The following TBXAS1 variants were observed in gnomAD, a reference collection of about 807,000 sequenced individuals.
The protein encoded by TBXAS1 is thromboxane-A synthase.
In TBXAS1, 48 loss-of-function variants were observed where a neutral mutation model predicts 60.7. The observed-to-expected ratio is 0.79, with a 90% CI of 0.63 to 1.01. The LOEUF (loss-of-function observed/expected upper bound fraction) is 1.01. TBXAS1 is among the 50% of genes least tolerant of loss of function. The probability of loss-of-function intolerance (pLI) is 0.00; values close to 1 mark genes in which losing one functional copy is unlikely to be tolerated. For synonymous variants in TBXAS1, 287 were observed against 269.7 expected (o/e 1.06, Z -0.63); for missense variants, 685 against 686.3 (o/e 1.00, Z 0.02).
At chr7:139,922,205 G>A (rs1013426530) in intron 4 of TBXAS1, among the ~76,000 whole-genome samples, 4 of 151,176 alleles carry the variant, frequency 2.6e-5, no homozygotes, top group South Asian at 2.1e-4. Context: ...GGGTTCAAGC[G>A]ATTCTCCTGC....
chr7:139,967,755 G>T (rs1437967991), intron 9 of TBXAS1, among the ~76,000 whole-genome samples: 1 of 152,176 alleles, frequency 6.6e-6, no homozygotes, highest in African/African-American at 2.4e-5. Flanking sequence ...TAAAAGTGGG[G>T]TAAATGGCTT....
At chr7:139,871,822 A>G (rs536208878) in intron 1 of TBXAS1, among the ~76,000 whole-genome samples, 2 of 152,326 alleles carry the variant, frequency 1.3e-5, no homozygotes, top group Non-Finnish European at 2.9e-5. Context: ...ACACATTTGC[A>G]CAGGGAGCTT....
intron 5 of TBXAS1, among the ~76,000 whole-genome samples, chr7:139,939,231 G>A (rs1245305635): frequency 2.6e-5 from 4 of 152,120 alleles, no homozygotes; most frequent in African/African-American, 9.6e-5. Flanking sequence ...CAGTGTGGTG[G>A]CAGGCACCTG....
At chr7:139,829,107 T>G (rs1473261564), upstream of TBXAS1, 13 of 511,728 alleles carry the variant, frequency 2.5e-5, no homozygotes, top group East Asian at 5.9e-4. Flanking sequence ...TTTGCTTTTC[T>G]TCTCTGAGGA....
chr7:139,962,046 AAC>A lies in TBXAS1; in HGVS notation c.950_951del (p.His317ProfsTer13), dbSNP rs749789077. The A allele has an allele frequency of 1.1e-5, 17 of 1,614,240 alleles. No individual in the cohort carries two copies. The African/African-American group carries it at 1.9e-4, about 18-fold the overall frequency. On this transcript the variant is annotated frameshift_variant, in exon 9 of 13. Coordinates refer to ENST00000448866, the MANE Select transcript of TBXAS1 (RefSeq NM_001061.7). LOFTEE classifies it high-confidence loss of function. The stretch of plus-strand genomic sequence containing the variant: ...GGGTGCAAGCCGAACCCTTCCCGGC[AAC>A]ACCAGCCCAGCCCTATGGCCAGGCC...
chr7:140,017,138 G>C (rs1815143934), intron 11 of TBXAS1, among the ~76,000 whole-genome samples: 1 of 152,250 alleles, frequency 6.6e-6, no homozygotes, highest in Non-Finnish European at 1.5e-5. Context: ...GCAGGGGCCT[G>C]CAAAGCAAAC....
chr7:139,947,843 T>C lies in TBXAS1; in HGVS notation c.451-5525T>C, dbSNP rs572661466. Among the ~76,000 whole-genome samples the C allele has an allele frequency of 4.6e-5, 7 of 150,562 alleles. No homozygotes were observed. The East Asian group carries it at 7.9e-4, about 17-fold the overall frequency. ...CTTGGGCTGTCATAACCAAACACCA[T>C]TGAGTGTGTGGCTTAAACAACAGAC... On this transcript the variant is annotated intron_variant, in intron 5 of 12. Coordinates refer to ENST00000448866, the MANE Select transcript of TBXAS1 (RefSeq NM_001061.7).
intron 9 of TBXAS1, among the ~76,000 whole-genome samples, chr7:139,965,218 C>CAA (rs34111163): frequency 2.1e-5 from 3 of 141,974 alleles, no homozygotes; most frequent in Non-Finnish European, 4.6e-5. Context: ...AACTCCGTCT[C>CAA]AAAAAAAAAA....
intron 7 of TBXAS1, among the ~76,000 whole-genome samples, chr7:139,956,439 C>A (rs1205062084): frequency 1.3e-5 from 2 of 152,230 alleles, no homozygotes; most frequent in Non-Finnish European, 2.9e-5. Context: ...AGCCACCACA[C>A]CAGGACTTAT....
chr7:139,998,305 T>C (rs1366987714), intron 9 of TBXAS1, among the ~76,000 whole-genome samples: 1 of 152,156 alleles, frequency 6.6e-6, no homozygotes, highest in Non-Finnish European at 1.5e-5. Flanking sequence ...ATGCTTACAG[T>C]GTGAAAATTC....
chr7:139,868,882 A>G (rs1295190232), intron 1 of TBXAS1, among the ~76,000 whole-genome samples: 1 of 151,358 alleles, frequency 6.6e-6, no homozygotes, highest in Non-Finnish European at 1.5e-5. Flanking sequence ...CAAACTCCTG[A>G]CCTCAAGTGA....
At chr7:139,892,384 A>C (rs2013219) in intron 3 of TBXAS1, among the ~76,000 whole-genome samples, 57,712 of 151,924 alleles carry the variant, frequency 0.38, 11,444 homozygotes, top group South Asian at 0.49. Flanking sequence ...TGAGGTCAGG[A>C]GTTCGAGACC....
intron 9 of TBXAS1, among the ~76,000 whole-genome samples, chr7:140,003,980 TCTG>T (rs749840835): frequency 5.3e-5 from 8 of 152,224 alleles, no homozygotes; most frequent in Non-Finnish European, 1.2e-4. Flanking sequence ...GTCCTTTGCT[TCTG>T]CTTTGTTGTA....
At chr7:139,925,195 T>C (rs1806790334) in intron 4 of TBXAS1, among the ~76,000 whole-genome samples, 1 of 152,124 alleles carries the variant, frequency 6.6e-6, no homozygotes, top group Non-Finnish European at 1.5e-5. Context: ...CTGTGAGGAA[T>C]GTCACATAGA....
intron 9 of TBXAS1, among the ~76,000 whole-genome samples, chr7:140,003,982 T>C (rs996494481): frequency 1.3e-5 from 2 of 152,232 alleles, no homozygotes; most frequent in Non-Finnish European, 2.9e-5. Context: ...CCTTTGCTTC[T>C]GCTTTGTTGT....
chr7:139,805,732 T>C (rs13247801), intron 4 of TBXAS1, among the ~76,000 whole-genome samples: 28,985 of 70,512 alleles, frequency 0.41, 4,689 homozygotes, highest in East Asian at 0.5. Flanking sequence ...CTCTCTCTCT[T>C]TCTTTCTTTC....
chr7:139,801,673 C>T (rs942655041), intron 4 of TBXAS1, among the ~76,000 whole-genome samples: 3 of 151,982 alleles, frequency 2.0e-5, no homozygotes, highest in Non-Finnish European at 4.4e-5. Flanking sequence ...GAATACAGTC[C>T]TATGCTTAGC....
chr7:139,942,285 C>T (rs1808350325), intron 5 of TBXAS1, among the ~76,000 whole-genome samples: 1 of 152,188 alleles, frequency 6.6e-6, no homozygotes, highest in Non-Finnish European at 1.5e-5. Flanking sequence ...TGTACCTGAG[C>T]ATATGAAAGG....
intron 1 of TBXAS1, among the ~76,000 whole-genome samples, chr7:139,855,855 T>C (rs1249644429): frequency 5.3e-5 from 8 of 152,138 alleles, no homozygotes; most frequent in Admixed American, 1.3e-4. Flanking sequence ...GTTTAGAAAA[T>C]ATCTGCTTTG....
Sources: gnomAD v4.1 joint callset for allele counts (sites outside exome capture counted in the v4.1 genomes callset) on GRCh38, gnomAD v4.1.1 for gene constraint, MANE v1.5 for transcripts, NCBI Gene and HGNC (gene_info 2026-07-23, HGNC 2026-07-21) for gene names.